SPAG17: variants seen among roughly 807,000 people sequenced by gnomAD.
The protein encoded by SPAG17 is sperm associated antigen 17, also known as sperm-associated antigen 17.
Under a neutral mutation model 273.6 loss-of-function variants are expected in SPAG17, and 169 were observed. The observed-to-expected ratio is 0.62, with a 90% CI of 0.55 to 0.70. The LOEUF is 0.70. Ranked by LOEUF, SPAG17 falls within the 30% of genes least tolerant of loss-of-function variation. The probability of loss-of-function intolerance (pLI) is 0.00; values close to 1 mark genes in which losing one functional copy is unlikely to be tolerated. For missense variants in SPAG17, 2,557 were observed against 2,627.8 expected (o/e 0.97, Z 0.59); for synonymous variants, 825 against 873.2 (o/e 0.94, Z 0.97).
At chr1:117,976,143 A>C (rs1655113098) in intron 43 of SPAG17, among the ~76,000 whole-genome samples, 1 of 152,156 alleles carries the variant, frequency 6.6e-6, no homozygotes, top group South Asian at 2.1e-4. Flanking sequence ...GCTCTATACT[A>C]GACTGCCTCC....
Position 117,992,480 on chromosome 1 carries a change from G to T in SPAG17, c.5347C>A (p.Gln1783Lys). 6.2e-7 allele frequency: 1 copy of T among 1,609,468 alleles called. No homozygotes were observed. The highest frequency in any genetic ancestry group is 2.2e-5 in the East Asian group (1 of 44,702). The change falls in exon 36 of 49, where the codon CAG (glutamine) becomes AAG (lysine). Residue 1783 changes from glutamine (Q) to lysine (K), a missense_variant. Coordinates refer to ENST00000336338, the MANE Select transcript of SPAG17 (RefSeq NM_206996.4). ...GATTCCATTACCTTAAGGGAAACCT[G>T]CAGCCTCAGTTTCACCTCATTCTTT... ...VIKNEVKLRL[Q>K]VSLKDYINYI...
At position 118,039,333 on chromosome 1, in the gene SPAG17, T is replaced by C; in HGVS notation, c.3278A>G (p.Glu1093Gly). 6.2e-7 allele frequency: 1 copy of C among 1,613,486 alleles called. No homozygotes were observed. The highest frequency in any genetic ancestry group is 8.5e-7 in the Non-Finnish European group (1 of 1,179,594). The stretch of plus-strand genomic sequence containing the variant: ...TTCCTCATCTCCTTCTTCTTCCTCT[T>C]CTAAATAATAATCCCCTTTCTCTTC... ...KKEEKGDYYL[E>G]EEEEGDEEQS... Residue 1093 changes from glutamate to glycine, a missense_variant, in exon 23 of 49, where the codon GAA becomes GGA. Coordinates refer to ENST00000336338, the MANE Select transcript of SPAG17 (RefSeq NM_206996.4).
At chr1:118,021,082 T>C (rs1197964377) in intron 28 of SPAG17, among the ~76,000 whole-genome samples, 1 of 152,098 alleles carries the variant, frequency 6.6e-6, no homozygotes, top group African/African-American at 2.4e-5. Context: ...GAGGAACAAT[T>C]CAAGAAAAAT....
chr1:118,179,074 C>T (rs148917072), intron 1 of SPAG17, among the ~76,000 whole-genome samples: 203 of 151,844 alleles, frequency 1.3e-3, no homozygotes, highest in African/African-American at 4.6e-3. Flanking sequence ...ATACTAATGA[C>T]GGTCTTCACA....
chr1:118,016,212 A>T lies in SPAG17; in HGVS notation c.4070-30T>A, dbSNP rs749107172. 2.6e-6 allele frequency: 4 copies of T among 1,528,304 alleles called. No individual in the cohort carries two copies. The East Asian group carries it at 9.0e-5, about 34-fold the overall frequency. 94.7% of individuals were successfully genotyped at this position (1,528,304 alleles called of 1,614,324 possible). A position where few individuals can be genotyped will look rare whatever the true frequency, so the allele number is the denominator to read the frequency against. On this transcript the variant is annotated intron_variant, in intron 28 of 48. Coordinates refer to ENST00000336338, the MANE Select transcript of SPAG17 (RefSeq NM_206996.4). ...GAAGTTCAAGTAAAATCAAACAACA[A>T]CAATATAACTATAGTATCAATTATA...
At chr1:118,174,281 T>C in intron 1 of SPAG17, among the ~76,000 whole-genome samples, 1 of 151,994 alleles carries the variant, frequency 6.6e-6, no homozygotes, top group East Asian at 1.9e-4. Context: ...AAAGAAATTA[T>C]TAAAAGGGAC....
At chr1:117,989,060 A>G (rs897081128) in intron 38 of SPAG17, among the ~76,000 whole-genome samples, 8 of 152,182 alleles carry the variant, frequency 5.3e-5, no homozygotes, top group Admixed American at 4.6e-4. Context: ...CAGAGGTTAA[A>G]AATTCAAAAG....
chr1:118,055,855 A>G lies in SPAG17; in HGVS notation c.2600T>C (p.Ile867Thr), dbSNP rs1651615318. 6.2e-7 allele frequency: 1 copy of G among 1,612,600 alleles called. No homozygotes were observed. The highest frequency in any genetic ancestry group is 1.1e-5 in the South Asian group (1 of 90,682). Reference protein sequence around the residue: ...IQDWITKEEAIYQESKMNEKI... With the variant: ...IQDWITKEEATYQESKMNEKI... Reference sequence around the variant, plus strand: ...CTCATTCATTTTAGATTCCTGATATATAGCTTCTTCTTTTGTAATCCAATC... The same window carrying G: ...CTCATTCATTTTAGATTCCTGATATGTAGCTTCTTCTTTTGTAATCCAATC... The change falls in exon 19 of 49, where the codon ATA becomes ACA. Residue 867 changes from isoleucine to threonine, a missense_variant. Physicochemically the swap from Ile to Thr is moderately conservative, Grantham distance 89. Coordinates refer to ENST00000336338, the MANE Select transcript of SPAG17 (RefSeq NM_206996.4).
chr1:117,993,109 C>T (rs72631714), intron 35 of SPAG17, among the ~76,000 whole-genome samples: 27,876 of 152,176 alleles, frequency 0.18, 2,866 homozygotes, highest in East Asian at 0.4. Context: ...TTAATCTAGA[C>T]TAAGCATGCC....
chr1:118,091,952 T>G lies in SPAG17; in HGVS notation c.1224A>C (p.Glu408Asp). Reference sequence around the variant, plus strand: ...TGCCTGGTGGTGGAGCTTGCGGTTCTTCATACTGTGCTTTCTTCTTTCCAG... The same window carrying G: ...TGCCTGGTGGTGGAGCTTGCGGTTCGTCATACTGTGCTTTCTTCTTTCCAG... Reference protein sequence around the residue: ...PAPGKKKAQYEEPQAPPPVTS... With the variant: ...PAPGKKKAQYDEPQAPPPVTS... The change falls in exon 9 of 49, where the codon GAA (glutamate) becomes GAC (aspartate). Residue 408 changes from glutamate to aspartate, a missense_variant. Transcript: ENST00000336338. The G allele has an allele frequency of 1.2e-6, 2 of 1,613,740 alleles. No individual in the cohort carries two copies. Among genetic ancestry groups the G allele is most frequent in the East Asian group, 2.2e-5 (1 of 44,872 alleles).
intron 4 of SPAG17, among the ~76,000 whole-genome samples, chr1:118,112,164 T>A (rs546095632): frequency 2.0e-5 from 3 of 152,162 alleles, no homozygotes; most frequent in African/African-American, 7.2e-5. Context: ...ATTCTCAATA[T>A]AATAAAATAT....
chr1:118,117,141 T>A (rs1016409796), intron 3 of SPAG17, among the ~76,000 whole-genome samples: 16 of 152,264 alleles, frequency 1.1e-4, no homozygotes, highest in African/African-American at 3.9e-4. Flanking sequence ...GACATCTGAT[T>A]CAAAACATTC....
chr1:117,972,179 C>T, intron 44 of SPAG17, 132 bp from the exon 45 acceptor site: 4 of 789,860 alleles, frequency 5.1e-6, no homozygotes, highest in Non-Finnish European at 7.9e-6. Context: ...AGTCTCATGT[C>T]ATCCTTACAA....
chr1:118,096,490 C>T (rs986064542), intron 7 of SPAG17, among the ~76,000 whole-genome samples: 1 of 152,002 alleles, frequency 6.6e-6, no homozygotes, highest in African/African-American at 2.4e-5. Flanking sequence ...CATTTCAGCT[C>T]CCTTAACGCT....
intron 43 of SPAG17, 43 bp downstream of exon 43, chr1:117,981,227 T>G (rs1385023634): frequency 6.6e-7 from 1 of 1,523,784 alleles, no homozygotes; most frequent in Admixed American, 2.5e-5. Flanking sequence ...AAAGACATAA[T>G]GTTCAGTTTC....
chr1:118,057,680 T>G (rs766643784), intron 18 of SPAG17, among the ~76,000 whole-genome samples: 1 of 152,034 alleles, frequency 6.6e-6, no homozygotes, highest in Admixed American at 6.6e-5. Context: ...GGATATAAGT[T>G]AAAAGGTCAA....
chr1:118,098,110 T>C (rs1045631387), intron 6 of SPAG17, among the ~76,000 whole-genome samples: 2 of 152,240 alleles, frequency 1.3e-5, no homozygotes, highest in African/African-American at 4.8e-5. Context: ...AGATTATGAC[T>C]ACGTCACACA....
chr1:118,066,588 A>T (rs913985611), intron 18 of SPAG17, among the ~76,000 whole-genome samples, 157 bp downstream of exon 18: 1 of 152,210 alleles, frequency 6.6e-6, no homozygotes, highest in Admixed American at 6.5e-5. Context: ...CTGACATTCA[A>T]TTTAGTGAGC....
In SPAG17 at chr1:118,012,351, T is replaced by C; in HGVS notation, c.4309A>G (p.Lys1437Glu). 4.3e-6 allele frequency: 7 copies of C among 1,613,544 alleles called. No homozygotes were observed. Among genetic ancestry groups the C allele is most frequent in the Non-Finnish European group, 5.9e-6 (7 of 1,179,688 alleles). ...NGTVMTTRED[K>E]VVIVERKDGT... The stretch of plus-strand genomic sequence containing the variant: ...TCTTTCCTTTCAACTATGACAACTT[T>C]GTCTTCTCGAGTTGTCATAACCTGA... Residue 1437 changes from lysine to glutamate, a missense_variant, in exon 30 of 49, where the codon AAA becomes GAA. Lys to Glu is a moderately conservative substitution (Grantham distance 56). Transcript: ENST00000336338.
Sources: allele counts gnomAD v4.1 joint callset (sites outside exome capture counted in the v4.1 genomes callset), GRCh38; gene constraint gnomAD v4.1.1; transcripts MANE v1.5; gene names NCBI Gene and HGNC (gene_info 2026-07-23, HGNC 2026-07-21).